TNRC6A: variants seen among roughly 807,000 people sequenced by gnomAD.
TNRC6A encodes the protein trinucleotide repeat-containing gene 6A protein.
In TNRC6A, 44 loss-of-function variants were observed where a neutral mutation model predicts 221.2. The observed-to-expected ratio is 0.20, with a 90% CI of 0.16 to 0.26. TNRC6A has a LOEUF of 0.26. Among genes scored for constraint, TNRC6A ranks in the 10% least tolerant of loss-of-function variants. The pLI is 1.00. For missense variants in TNRC6A, 2,199 were observed against 2,404.4 expected, an observed-to-expected ratio of 0.91 and a Z score of 1.79; for synonymous variants, 847 against 838.5, an observed-to-expected ratio of 1.01 and a Z score of -0.18.
At chr16:24,647,312 T>C (rs1902346490) in intron 2 of TNRC6A, among the ~76,000 whole-genome samples, 1 of 152,176 alleles carries the variant, frequency 6.6e-6, no homozygotes, top group African/African-American at 2.4e-5. Flanking sequence ...ATCTTTCCAT[T>C]AAAAATTGTG....
intron 2 of TNRC6A, among the ~76,000 whole-genome samples, chr16:24,675,702 C>CTCTCTCTCTCTCTA (rs1180245687): frequency 1.2e-4 from 4 of 33,266 alleles, no homozygotes; most frequent in Non-Finnish European, 1.6e-4. Flanking sequence ...CTCTCTCTCT[C>CTCTCTCTCTCTCTA]TATATATATA....
intron 8 of TNRC6A, 109 bp from the exon 9 acceptor site, chr16:24,795,798 G>A (rs917229243): frequency 6.7e-6 from 7 of 1,047,114 alleles, no homozygotes; most frequent in African/African-American, 4.9e-5. Flanking sequence ...CCAAAGTTGC[G>A]ATAACTAGTA....
intron 2 of TNRC6A, among the ~76,000 whole-genome samples, chr16:24,690,154 C>T (rs2142121865): frequency 6.6e-6 from 1 of 151,666 alleles, no homozygotes; most frequent in East Asian, 1.9e-4. Context: ...AAACTACAGG[C>T]ACATGCCACC....
intron 1 of TNRC6A, among the ~76,000 whole-genome samples, chr16:24,623,190 T>TTTAC (rs202161590): frequency 0.2 from 29,360 of 147,850 alleles, 3,256 homozygotes; most frequent in Middle Eastern, 0.35. Flanking sequence ...TATTTATTTA[T>TTTAC]TTACTTATTT....
intron 1 of TNRC6A, among the ~76,000 whole-genome samples, chr16:24,638,275 C>T (rs1166465882): frequency 6.6e-6 from 1 of 151,772 alleles, no homozygotes; most frequent in African/African-American, 2.4e-5. Flanking sequence ...AAAATTAGCC[C>T]AGCGTGATGG....
intron 2 of TNRC6A, among the ~76,000 whole-genome samples, chr16:24,707,350 GCACA>G (rs34395729): frequency 0.057 from 8,523 of 149,444 alleles, 301 homozygotes; most frequent in South Asian, 0.089. Context: ...GAACATGGGC[GCACA>G]CACACACACA....
chr16:24,648,506 A>G (rs188249307), intron 2 of TNRC6A, among the ~76,000 whole-genome samples: 388 of 152,038 alleles, frequency 2.6e-3, no homozygotes, highest in Middle Eastern at 3.4e-3. Flanking sequence ...TCCTGACCTC[A>G]TGATTCACCC....
In TNRC6A at chr16:24,823,519, C is replaced by G. The variant is rs757891956; in HGVS notation, c.5601C>G (p.Thr1867=). ...SRFFAQSQSL[T]PSPGWQSLGS... The stretch of plus-strand genomic sequence containing the variant: ...TCTTTGCACAAAGCCAGTCTCTGAC[C>G]CCTTCTCCCGGCTGGCAGTCTCTCG... Residue 1867 remains threonine (T), a synonymous_variant, in exon 25 of 25, where the codon ACC becomes ACG. Transcript: ENST00000395799. The surrounding 1 kb of genome is among the most constrained non-coding windows in gnomAD (Gnocchi z 4.3). 1.9e-6 allele frequency: 3 copies of G among 1,614,120 alleles called. No individual in the cohort carries two copies. Among genetic ancestry groups the G allele is most frequent in the Admixed American group, 1.7e-5 (1 of 60,022 alleles).
chr16:24,798,909 G>C (rs1359374976), intron 11 of TNRC6A, among the ~76,000 whole-genome samples: 1 of 152,244 alleles, frequency 6.6e-6, no homozygotes, highest in Admixed American at 6.5e-5. Flanking sequence ...AGTGAGGACT[G>C]ACATAGCATG....
chr16:24,760,034 C>G (rs1043662983), intron 4 of TNRC6A, among the ~76,000 whole-genome samples: 22 of 152,182 alleles, frequency 1.4e-4, no homozygotes, highest in African/African-American at 4.8e-4. Flanking sequence ...CTTTGCTTAG[C>G]TTTCAAGGCC....
chr16:24,800,087 C>T (rs1408304462), intron 11 of TNRC6A, among the ~76,000 whole-genome samples: 1 of 152,146 alleles, frequency 6.6e-6, no homozygotes, highest in Non-Finnish European at 1.5e-5. Context: ...CTTCATCTTC[C>T]AGGGCAGTGG....
intron 18 of TNRC6A, among the ~76,000 whole-genome samples, chr16:24,813,175 C>G (rs2058584604): frequency 1.3e-5 from 2 of 152,072 alleles, no homozygotes; most frequent in Admixed American, 6.6e-5. Flanking sequence ...CCATGCCTTG[C>G]CTTGTTTTAT....
At chr16:24,639,489 T>C (rs1466922602) in intron 1 of TNRC6A, among the ~76,000 whole-genome samples, 1 of 151,246 alleles carries the variant, frequency 6.6e-6, no homozygotes, top group Non-Finnish European at 1.5e-5. Flanking sequence ...CAAGACCCTC[T>C]CTCAAAAAAC....
rs753937840 is a variant in TNRC6A, at chr16:24,617,801, C to T, written n.276+7317C>T. 5.3e-5 allele frequency among the ~76,000 whole-genome samples: 8 copies of T among 152,322 alleles called. 1 individual carries two copies. Among genetic ancestry groups the T allele is most frequent in the South Asian group, 4.1e-4 (2 of 4,826 alleles). On this transcript the variant is annotated intron_variant and non_coding_transcript_variant, in intron 1 of 2. Coordinates refer to the TNRC6A transcript ENST00000566108. ...CTGAGAATGAAACAGTTCATATCCA[C>T]GGATGAGGAGGGCATCCTATCCCCT...
chr16:24,819,545 T>TA (rs1174161212), intron 21 of TNRC6A: 2 of 145,178 alleles, frequency 1.4e-5, no homozygotes, highest in African/African-American at 5.2e-5. Context: ...TTTTTTGTTT[T>TA]GCCATACAGG....
rs1468106203 is a variant in TNRC6A, at chr16:24,790,443, T to G, written c.1801T>G (p.Trp601Gly). The change falls in exon 6 of 25, where the codon TGG becomes GGG. Residue 601 changes from tryptophan to glycine, a missense_variant. Trp to Gly is a radical substitution (Grantham distance 184). Around this residue, in one of 8 missense-constraint regions of TNRC6A, gnomAD observed 1,405 missense variants for 1,400.2 expected, o/e 1.00. Coordinates refer to ENST00000395799, the MANE Select transcript of TNRC6A (RefSeq NM_014494.4). ...AAATTCTGGAGGAAGTCGAAGAGGA[T>G]GGGGAACCCCTGCACAAAACACTGG... is the stretch of plus-strand genomic sequence containing the variant. ...GANSGGSRRGWGTPAQNTGTN... is the reference protein window; with the variant it reads ...GANSGGSRRGGGTPAQNTGTN... The G allele has an allele frequency of 1.2e-6, 2 of 1,614,204 alleles. No homozygotes were observed. The highest frequency in any genetic ancestry group is 3.3e-5 in the Admixed American group (2 of 60,030).
At chr16:24,624,217 G>A (rs993273398) in intron 1 of TNRC6A, among the ~76,000 whole-genome samples, 5 of 152,160 alleles carry the variant, frequency 3.3e-5, no homozygotes, top group Non-Finnish European at 7.4e-5. Context: ...GCAAGAGCAC[G>A]CAAACCCAAA....
chr16:24,740,269 T>C (rs975183965), intron 2 of TNRC6A, among the ~76,000 whole-genome samples: 4 of 152,222 alleles, frequency 2.6e-5, no homozygotes, highest in African/African-American at 9.6e-5. Context: ...AAAAAAAATT[T>C]TTTTAAAGAT....
intron 4 of TNRC6A, among the ~76,000 whole-genome samples, chr16:24,758,702 T>TA (rs1461107759): frequency 6.6e-6 from 1 of 152,176 alleles, no homozygotes; most frequent in Non-Finnish European, 1.5e-5. Context: ...GGGTAACCTC[T>TA]AGGACCCCAC....
Sources: allele counts gnomAD v4.1 joint callset (sites outside exome capture counted in the v4.1 genomes callset), GRCh38; gene constraint gnomAD v4.1.1; regional missense constraint gnomAD v4.1.1; non-coding constraint Gnocchi (gnomAD v3.1); transcripts MANE v1.5; gene names NCBI Gene and HGNC (gene_info 2026-07-23, HGNC 2026-07-21).